Variants in PCDHGB2 observed in about 807,000 individuals in gnomAD.
PCDHGB2 encodes protocadherin gamma subfamily B, 2.
In PCDHGB2, 55 loss-of-function variants were observed where a neutral mutation model predicts 59.3. The ratio of observed to expected loss-of-function variants is 0.93; its 90% CI spans 0.75 to 1.16. PCDHGB2 has a LOEUF of 1.16. Among genes scored for constraint, PCDHGB2 ranks in the 50% most tolerant of loss-of-function variants. The probability of loss-of-function intolerance (pLI) is 0.00; values close to 1 mark genes in which losing one functional copy is unlikely to be tolerated. For missense variants in PCDHGB2, 1,228 were observed against 1,198.5 expected (o/e 1.02, Z -0.36); for synonymous variants, 516 against 512.0 (o/e 1.01, Z -0.11).
intron 1 of PCDHGB2, chr5:141,415,455 G>T: frequency 6.2e-7 from 1 of 1,614,186 alleles, no homozygotes; most frequent in Non-Finnish European, 8.5e-7. Context: ...ATTCCCACGA[G>T]GTCTCTCTCA....
At chr5:141,443,113 T>C (rs2098364390) in intron 1 of PCDHGB2, among the ~76,000 whole-genome samples, 1 of 152,040 alleles carries the variant, frequency 6.6e-6, no homozygotes, top group African/African-American at 2.4e-5. Flanking sequence ...ACCTTGCTTT[T>C]CAAACCAGAT....
Position 141,390,485 on chromosome 5 carries a change from T to G in PCDHGB2, c.2421+27929T>G, listed in dbSNP as rs919971230. On this transcript the variant is annotated intron_variant, in intron 1 of 3. Transcript: ENST00000522605. The stretch of plus-strand genomic sequence containing the variant: ...GCAATTGTGTGGCCCAACATTTGTT[T>G]GTTTTTTAGCCAAGCTTAGATTTAT... The G allele has an allele frequency of 1.4e-5, 9 of 656,166 alleles. No homozygotes were observed. The African/African-American group carries it at 1.5e-4, about 11-fold the overall frequency. The allele number at this position is 656,166 out of a possible 1,614,324, so 40.6% of individuals were successfully genotyped here.
At chr5:141,386,476 G>A (rs2090588767) in intron 1 of PCDHGB2, among the ~76,000 whole-genome samples, 1 of 151,552 alleles carries the variant, frequency 6.6e-6, no homozygotes, top group African/African-American at 2.4e-5. Flanking sequence ...AAGAATTGGA[G>A]GCCCACCTAG....
chr5:141,372,340 G>A lies in PCDHGB2; in HGVS notation c.2421+9784G>A, dbSNP rs754973851. 4 of 1,613,790 alleles carry A rather than the reference G, an allele frequency of 2.5e-6. No individual in the cohort carries two copies. In the South Asian group the frequency reaches 4.4e-5, roughly 18 times the overall value. On this transcript the variant is annotated intron_variant, in intron 1 of 3. Transcript: ENST00000522605. ...CGCCTGCTGGTCACTGTGCGTGATG[G>A]AGGACAGCAGCCTCTTTCAGCCACC...
chr5:141,370,490 G>A (rs780342479), intron 1 of PCDHGB2: 48 of 1,613,776 alleles, frequency 3.0e-5, no homozygotes, highest in Non-Finnish European at 4.0e-5. Context: ...TCTCCGAACC[G>A]ATCCGCTACG....
At chr5:141,384,549 G>C in intron 1 of PCDHGB2, 1 of 1,614,244 alleles carries the variant, frequency 6.2e-7, no homozygotes, top group Non-Finnish European at 8.5e-7. Context: ...CACTGAGCCT[G>C]TTCGTGCTGG....
chr5:141,461,040 G>A (rs536064886), intron 1 of PCDHGB2, among the ~76,000 whole-genome samples: 123 of 150,514 alleles, frequency 8.2e-4, no homozygotes, highest in East Asian at 2.5e-3. Flanking sequence ...CTCATTAGTC[G>A]ATGGGGACTT....
rs191354649 is a variant in PCDHGB2 at position 141,510,446 on chromosome 5, C to T, written c.2570-501C>T. 8.9e-4 allele frequency among the ~76,000 whole-genome samples: 135 copies of T among 152,154 alleles called. 1 individual carries two copies. Among genetic ancestry groups the T allele is most frequent in the Non-Finnish European group, 1.7e-3 (114 of 68,010 alleles). On this transcript the variant is annotated intron_variant, in intron 3 of 3. Coordinates refer to ENST00000522605, the MANE Select transcript of PCDHGB2 (RefSeq NM_018923.3). ...TTTCATGGCTGCTGCCCTCCAGGAG[C>T]CCATGGTCTAGTGTGGGAGTCAGAG...
chr5:141,474,847 GCCTTCT>G (rs906863967), intron 1 of PCDHGB2, among the ~76,000 whole-genome samples: 3 of 152,198 alleles, frequency 2.0e-5, no homozygotes, highest in African/African-American at 7.2e-5. Context: ...CACTTTACCT[GCCTTCT>G]TCATTTAATA....
At chr5:141,380,987 C>G (rs1776914459) in intron 1 of PCDHGB2, among the ~76,000 whole-genome samples, 1 of 152,202 alleles carries the variant, frequency 6.6e-6, no homozygotes. Context: ...GAATTTAACT[C>G]CAGTTTACAG....
intron 1 of PCDHGB2, chr5:141,422,184 A>T: frequency 6.4e-7 from 1 of 1,561,838 alleles, no homozygotes; most frequent in Non-Finnish European, 8.6e-7. Context: ...ATGAGATGGA[A>T]ATTCAAGGCC....
chr5:141,371,611 C>G (rs561217101), intron 1 of PCDHGB2: 1 of 1,613,996 alleles, frequency 6.2e-7, no homozygotes, highest in Non-Finnish European at 8.5e-7. Context: ...AGGTTGGTGA[C>G]AGATGGAGCC....
chr5:141,364,599 T>G, intron 1 of PCDHGB2: 1 of 1,614,178 alleles, frequency 6.2e-7, no homozygotes, highest in Non-Finnish European at 8.5e-7. Context: ...GCGGGCAGGA[T>G]AGACCGGGAG....
At chr5:141,409,389 C>T (rs1445649056) in intron 1 of PCDHGB2, 2 of 1,613,888 alleles carry the variant, frequency 1.2e-6, no homozygotes, top group Non-Finnish European at 1.7e-6. Flanking sequence ...AAGATTTATT[C>T]TTCTTCCAAT....
chr5:141,461,355 G>A (rs993200082), intron 1 of PCDHGB2, among the ~76,000 whole-genome samples: 3 of 152,022 alleles, frequency 2.0e-5, no homozygotes, highest in Non-Finnish European at 2.9e-5. Flanking sequence ...GTGGTAGCTC[G>A]TTGTGGTTTT....
chr5:141,464,260 G>A (rs546781463), intron 1 of PCDHGB2, among the ~76,000 whole-genome samples: 1 of 131,668 alleles, frequency 7.6e-6, no homozygotes, highest in Non-Finnish European at 1.6e-5. Flanking sequence ...GCGAGACTCC[G>A]TCTAAAAAAA....
rs761202330 is a variant in PCDHGB2 at position 141,489,878 on chromosome 5, C to T, written c.2422-4929C>T. 1.1e-5 allele frequency: 17 copies of T among 1,614,116 alleles called. No individual in the cohort carries two copies. In the East Asian group the frequency reaches 3.6e-4, roughly 34 times the overall value. On this transcript the variant is annotated intron_variant, in intron 1 of 3. Transcript: ENST00000522605. This position sits in a 1 kb window ranked among gnomAD's most constrained non-coding sequence, Gnocchi z 4.5. ...CAGGCAAGACATCAGCTGGTGCTTA[C>T]TGCTGTGGATGGGGGGACCCCAGCC... is the stretch of plus-strand genomic sequence containing the variant.
chr5:141,472,954 C>A (rs2099305799), intron 1 of PCDHGB2, among the ~76,000 whole-genome samples: 1 of 143,370 alleles, frequency 7.0e-6, no homozygotes, highest in Admixed American at 7.3e-5. Flanking sequence ...CCATTGCACT[C>A]CAGCCTGGGG....
At chr5:141,369,431 C>T (rs935831476) in intron 1 of PCDHGB2, among the ~76,000 whole-genome samples, 1 of 152,124 alleles carries the variant, frequency 6.6e-6, no homozygotes, top group Non-Finnish European at 1.5e-5. Flanking sequence ...ATTTGGGACG[C>T]TGAGGTGGGA....
Sources: allele counts gnomAD v4.1 joint callset (sites outside exome capture counted in the v4.1 genomes callset), GRCh38; gene constraint gnomAD v4.1.1; non-coding constraint Gnocchi (gnomAD v3.1); transcripts MANE v1.5; gene names NCBI Gene and HGNC (gene_info 2026-07-23, HGNC 2026-07-21).